GRIA1: variants seen among roughly 807,000 people sequenced by gnomAD.
GRIA1 encodes the protein glutamate receptor 1.
A neutral mutation model predicts 99.2 loss-of-function variants in GRIA1; 31 were observed. The observed-to-expected ratio is 0.31, with a 90% CI of 0.23 to 0.42. GRIA1 has a LOEUF of 0.42. GRIA1 is among the 10% of genes least tolerant of loss of function. GRIA1 has a pLI of 1.00. For missense variants in GRIA1, 782 were observed against 1,157.5 expected (o/e 0.68, Z 4.71); for synonymous variants, 438 against 432.4 (o/e 1.01, Z -0.16).
chr5:153,644,374 C>G (rs928255765), intron 2 of GRIA1, among the ~76,000 whole-genome samples: 1 of 152,140 alleles, frequency 6.6e-6, no homozygotes, highest in African/African-American at 2.4e-5. Flanking sequence ...GACAGCAACC[C>G]AGGCAGGGGA....
intron 2 of GRIA1, among the ~76,000 whole-genome samples, chr5:153,562,169 T>C (rs972408183): frequency 3.6e-4 from 54 of 151,700 alleles, no homozygotes; most frequent in African/African-American, 1.2e-3. Context: ...TAAATGGAGG[T>C]GAGGGTGGAA....
At chr5:153,543,350 A>G (rs1759312414) in intron 2 of GRIA1, among the ~76,000 whole-genome samples, 2 of 152,240 alleles carry the variant, frequency 1.3e-5, no homozygotes, top group Admixed American at 1.3e-4. Flanking sequence ...ACTATTGTAT[A>G]TACAAGGCAT....
At chr5:153,645,947 G>T (rs1374829440) in intron 2 of GRIA1, among the ~76,000 whole-genome samples, 5 of 152,144 alleles carry the variant, frequency 3.3e-5, no homozygotes, top group African/African-American at 1.2e-4. Flanking sequence ...ACCTTGGAAG[G>T]GCAATTTTTA....
Position 153,784,826 on chromosome 5 carries a change from G to A in GRIA1, c.2271-9795G>A, listed in dbSNP as rs138477735. On this transcript the variant is annotated intron_variant, in intron 13 of 15. Coordinates refer to ENST00000285900, the MANE Select transcript of GRIA1 (RefSeq NM_000827.4). Reference sequence around the variant, plus strand: ...CTGAACTAAAGACAGAGGACTTTGAGACCATTGTCCAAAGGAAGCCATTAA... The same window carrying A: ...CTGAACTAAAGACAGAGGACTTTGAAACCATTGTCCAAAGGAAGCCATTAA... Among the ~76,000 whole-genome samples, 407 of 152,228 alleles carry A rather than the reference G, an allele frequency of 2.7e-3. 4 individuals carry two copies. Among genetic ancestry groups the A allele is most frequent in the African/African-American group, 9.6e-3 (398 of 41,512 alleles).
At chr5:153,659,782 A>G (rs1755222677) in intron 5 of GRIA1, among the ~76,000 whole-genome samples, 1 of 152,176 alleles carries the variant, frequency 6.6e-6, no homozygotes, top group African/African-American at 2.4e-5. Flanking sequence ...ATATTTTAAA[A>G]TTCTCATAGA....
rs139971401 is a variant in GRIA1, at chr5:153,669,653, A to G, written c.700-4847A>G. On this transcript the variant is annotated intron_variant, in intron 5 of 15. Coordinates refer to ENST00000285900, the MANE Select transcript of GRIA1 (RefSeq NM_000827.4). ...AATATATTCACATGATAAAACAGAT[A>G]TTACAGAAGGGTATAAAGTAAAAGA... Among the ~76,000 whole-genome samples the G allele has an allele frequency of 1.3e-3, 195 of 152,356 alleles. 1 individual carries two copies. The highest frequency in any genetic ancestry group is 0.01 in the Middle Eastern group (3 of 294).
In GRIA1 at chr5:153,608,589, G is replaced by A. The variant is rs571828934; in HGVS notation, c.221-38339G>A. Among the ~76,000 whole-genome samples, 197 of 152,018 alleles carry A rather than the reference G, an allele frequency of 1.3e-3. 2 individuals are homozygous for A. The South Asian group carries it at 0.035, about 27-fold the overall frequency. ...ACTGTTCAATTTTGGAAAATTTTTC[G>A]TGGTTCTTTCACATGGTTTTCAGTC... On this transcript the variant is annotated intron_variant, in intron 2 of 15. Coordinates refer to ENST00000285900, the MANE Select transcript of GRIA1 (RefSeq NM_000827.4).
intron 2 of GRIA1, among the ~76,000 whole-genome samples, chr5:153,583,962 G>A (rs758084067): frequency 1.3e-5 from 2 of 152,174 alleles, no homozygotes; most frequent in Non-Finnish European, 2.9e-5. Flanking sequence ...TGCTCTCACT[G>A]GTCTCCAAGG....
chr5:153,527,494 GTAAAA>G (rs1381195065), intron 2 of GRIA1, among the ~76,000 whole-genome samples: 4 of 152,240 alleles, frequency 2.6e-5, no homozygotes, highest in Non-Finnish European at 4.4e-5. Context: ...CTAAAACCTG[GTAAAA>G]CATTACTTTT....
chr5:153,489,938 A>G (rs1753760626), upstream of GRIA1: 3 of 430,818 alleles, frequency 7.0e-6, no homozygotes, highest in Non-Finnish European at 1.4e-5. Context: ...TTAAATGCCT[A>G]GGATTGAAAA....
At chr5:153,742,825 A>G (rs1761902699) in intron 11 of GRIA1, among the ~76,000 whole-genome samples, 1 of 152,244 alleles carries the variant, frequency 6.6e-6, no homozygotes, top group Non-Finnish European at 1.5e-5. Flanking sequence ...AAGGTCCAAC[A>G]TGATTGCATT....
At chr5:153,705,595 G>A (rs1348789312) in intron 10 of GRIA1, 102 bp from the exon 11 acceptor site, 7 of 1,376,784 alleles carry the variant, frequency 5.1e-6, no homozygotes, top group Non-Finnish European at 6.6e-6. Flanking sequence ...TATCCTTTAA[G>A]ACACAAAAGA....
At chr5:153,566,830 C>CCTCA (rs1221958269) in intron 2 of GRIA1, among the ~76,000 whole-genome samples, 1 of 150,622 alleles carries the variant, frequency 6.6e-6, no homozygotes, top group Admixed American at 6.6e-5. Flanking sequence ...GATTCTCCTG[C>CCTCA]CTCAGCCTCC....
At chr5:153,557,596 TTTTCTA>T (rs1321748917) in intron 2 of GRIA1, among the ~76,000 whole-genome samples, 2 of 152,246 alleles carry the variant, frequency 1.3e-5, no homozygotes, top group Admixed American at 1.3e-4. Flanking sequence ...AAGCTTTTCT[TTTTCTA>T]TTTCTAACTT....
At chr5:153,579,164 C>T (rs942230712) in intron 2 of GRIA1, among the ~76,000 whole-genome samples, 2 of 152,138 alleles carry the variant, frequency 1.3e-5, no homozygotes, top group South Asian at 2.1e-4. Context: ...TACCAATAAC[C>T]ATCATTTCCC....
At chr5:153,514,308 G>A (rs1756399919) in intron 2 of GRIA1, among the ~76,000 whole-genome samples, 2 of 152,156 alleles carry the variant, frequency 1.3e-5, no homozygotes, top group South Asian at 2.1e-4. Flanking sequence ...TTCTCCAGTC[G>A]TTTTACAATT....
intron 11 of GRIA1, among the ~76,000 whole-genome samples, chr5:153,729,656 CCT>C (rs1185103479): frequency 1.3e-5 from 2 of 151,950 alleles, no homozygotes; most frequent in African/African-American, 4.8e-5. Context: ...ATTTTCCACC[CCT>C]GTTTATACTG....
At chr5:153,569,879 C>T (rs753967858) in intron 2 of GRIA1, among the ~76,000 whole-genome samples, 15 of 152,122 alleles carry the variant, frequency 9.9e-5, no homozygotes, top group Middle Eastern at 3.4e-3. Flanking sequence ...AAGCAGAGGC[C>T]CAGAAAAGTG....
At chr5:153,498,081 G>A (rs991842879) in intron 2 of GRIA1, among the ~76,000 whole-genome samples, 4 of 152,144 alleles carry the variant, frequency 2.6e-5, no homozygotes, top group African/African-American at 9.7e-5. Flanking sequence ...CATACACTGT[G>A]TAAGAACCAT....
Sources: allele counts gnomAD v4.1 joint callset (sites outside exome capture counted in the v4.1 genomes callset), GRCh38; gene constraint gnomAD v4.1.1; transcripts MANE v1.5; gene names NCBI Gene and HGNC (gene_info 2026-07-23, HGNC 2026-07-21).